The following CCAR1 variants were observed in gnomAD, a reference collection of about 807,000 sequenced individuals.
CCAR1 encodes cell division cycle and apoptosis regulator protein 1.
A neutral mutation model predicts 163.8 loss-of-function variants in CCAR1; 78 were observed. That is an observed-to-expected ratio of 0.48 (90% CI 0.40 to 0.57). The LOEUF is 0.57. Among genes scored for constraint, CCAR1 ranks in the 20% least tolerant of loss-of-function variants. CCAR1 has a pLI of 0.00. For synonymous variants in CCAR1, 443 were observed against 460.7 expected (o/e 0.96, Z 0.49); for missense variants, 1,019 against 1,365.2 (o/e 0.75, Z 4.00).
At chr10:68,742,123 T>G (rs1187097806) in intron 5 of CCAR1, among the ~76,000 whole-genome samples, 1 of 152,208 alleles carries the variant, frequency 6.6e-6, no homozygotes, top group Non-Finnish European at 1.5e-5. Context: ...TTTACTATAC[T>G]TAGGACTTTC....
intron 10 of CCAR1, among the ~76,000 whole-genome samples, chr10:68,751,980 A>G (rs1202252783): frequency 6.9e-6 from 1 of 144,980 alleles, no homozygotes; most frequent in East Asian, 2.1e-4. Context: ...GCAGTGGCTC[A>G]ATCTCGGCCC....
At chr10:68,769,972 T>G (rs935780900) in intron 17 of CCAR1, among the ~76,000 whole-genome samples, 2 of 151,830 alleles carry the variant, frequency 1.3e-5, no homozygotes, top group African/African-American at 4.8e-5. Context: ...ATTATATAGT[T>G]TTAGGTTTAT....
intron 19 of CCAR1, among the ~76,000 whole-genome samples, chr10:68,774,166 A>T (rs1294955107): frequency 6.6e-6 from 1 of 151,874 alleles, no homozygotes; most frequent in East Asian, 1.9e-4. Context: ...TGCTGGGATT[A>T]CAGGCCTGAG....
rs1347507479 is a variant in CCAR1 at position 68,772,995 on chromosome 10, A to G, written c.2546A>G (p.Asp849Gly). The change falls in exon 19 of 25, where the codon GAT (aspartate) becomes GGT (glycine). Residue 849 changes from aspartate to glycine, a missense_variant. Transcript: ENST00000265872. ...AGGCATTTTAAATTATAGAAAGAAG[A>G]TAAAAGAAAAGATGATTCTAAAGAT... ...KEDRDERKKE[D>G]KRKDDSKDDD... 1.4e-6 allele frequency: 2 copies of G among 1,382,102 alleles called. No homozygotes were observed. Among genetic ancestry groups the G allele is most frequent in the African/African-American group, 1.5e-5 (1 of 68,306 alleles). The allele number at this position is 1,382,102 out of a possible 1,614,324, so 85.6% of individuals were successfully genotyped here.
chr10:68,742,452 C>T lies in CCAR1; in HGVS notation c.401C>T (p.Thr134Ile). The T allele has an allele frequency of 6.2e-7, 1 of 1,614,216 alleles. No homozygotes were observed. Among genetic ancestry groups the T allele is most frequent in the Non-Finnish European group, 8.5e-7 (1 of 1,180,036 alleles). Reference protein sequence around the residue: ...PTAQITVSYPTPRSSQQQTQP... With the variant: ...PTAQITVSYPIPRSSQQQTQP... The stretch of plus-strand genomic sequence containing the variant: ...GCACAAATAACTGTATCATATCCAA[C>T]ACCAAGGTCCAGTCAACAGCAAACC... The change falls in exon 6 of 25, where the codon ACA becomes ATA. Residue 134 changes from threonine to isoleucine, a missense_variant. Physicochemically the swap from Thr to Ile is moderately conservative, Grantham distance 89. Transcript: ENST00000265872.
chr10:68,740,015 T>G (rs1215567538), intron 4 of CCAR1, among the ~76,000 whole-genome samples: 3 of 152,366 alleles, frequency 2.0e-5, no homozygotes, highest in African/African-American at 7.2e-5. Context: ...TATGTGGTCC[T>G]TCATGGTCTC....
At chr10:68,733,420 A>G (rs2056067275) in intron 2 of CCAR1, among the ~76,000 whole-genome samples, 1 of 152,150 alleles carries the variant, frequency 6.6e-6, no homozygotes, top group Non-Finnish European at 1.5e-5. Context: ...CAAAAAAAGT[A>G]AAAAGAGAAA....
rs770342123 is a variant in CCAR1 at position 68,786,695 on chromosome 10, A to G, written c.2880+3A>G. 1 of 1,585,556 alleles carries G rather than the reference A, an allele frequency of 6.3e-7. No individual in the cohort carries two copies. Among genetic ancestry groups the G allele is most frequent in the South Asian group, 1.2e-5 (1 of 85,392 alleles). ...GACTACATCTTTCTCGGGCTCAGGT[A>G]ATCTATCTTGTGAATATTTAAAAGG... On this transcript the variant is annotated splice_donor_region_variant and intron_variant, in intron 21 of 24. Transcript: ENST00000265872.
intron 17 of CCAR1, among the ~76,000 whole-genome samples, chr10:68,770,231 C>A (rs1187035752): frequency 6.6e-6 from 1 of 152,008 alleles, no homozygotes; most frequent in Admixed American, 6.6e-5. Context: ...TTTGGTTGTT[C>A]ATTTTCTTAA....
At chr10:68,737,349 G>A (rs933153478) in intron 3 of CCAR1, among the ~76,000 whole-genome samples, 3 of 151,896 alleles carry the variant, frequency 2.0e-5, no homozygotes, top group South Asian at 2.1e-4. Context: ...CAGAAAACAC[G>A]AGAATTAGCC....
chr10:68,739,829 T>C (rs973602679), intron 4 of CCAR1, among the ~76,000 whole-genome samples: 1 of 152,234 alleles, frequency 6.6e-6, no homozygotes. Flanking sequence ...TAATCTCTAA[T>C]ACATGGTGAC....
At position 68,788,303 on chromosome 10, in the gene CCAR1, G is replaced by A; in HGVS notation, c.3162G>A (p.Lys1054=). 6.4e-7 allele frequency: 1 copy of A among 1,570,334 alleles called. No homozygotes were observed. Among genetic ancestry groups the A allele is most frequent in the Non-Finnish European group, 8.6e-7 (1 of 1,166,910 alleles). The change falls in exon 23 of 25, where the codon AAG becomes AAA. Residue 1054 remains lysine (K), a synonymous_variant. Transcript: ENST00000265872. Reference sequence around the variant, plus strand: ...AAGTAAGAGCTGAGGTAGAACAGAAGCTGCAGTTACTAGAAGAAAAAACAG... The same window carrying A: ...AAGTAAGAGCTGAGGTAGAACAGAAACTGCAGTTACTAGAAGAAAAAACAG... ...SEKVRAEVEQ[K]LQLLEEKTDE... is the part of the protein sequence containing the mutation.
At chr10:68,789,073 C>A (rs2056825760) in intron 23 of CCAR1, among the ~76,000 whole-genome samples, 1 of 151,616 alleles carries the variant, frequency 6.6e-6, no homozygotes, top group South Asian at 2.1e-4. Flanking sequence ...CCACGCCTGG[C>A]TAATTTTTTG....
At position 68,775,687 on chromosome 10, in the gene CCAR1, C is replaced by CTTT. The variant is rs71028782; in HGVS notation, c.2650+2613_2650+2615dup. Among the ~76,000 whole-genome samples the CTTT allele has an allele frequency of 4.5e-3, 232 of 51,744 alleles. 31 individuals are homozygous for CTTT. The highest frequency in any genetic ancestry group is 0.019 in the African/African-American group (224 of 11,776). 33.9% of individuals were successfully genotyped at this position (51,744 alleles called of 152,430 possible). On this transcript the variant is annotated intron_variant, in intron 19 of 24. Coordinates refer to ENST00000265872, the MANE Select transcript of CCAR1 (RefSeq NM_018237.4). The stretch of plus-strand genomic sequence containing the variant: ...ACCACGCCCAGCTAATTTTTCTTTT[C>CTTT]TTTTTTTTTTTTTTTTTTTTTTTTT...
At chr10:68,787,845 T>G in intron 21 of CCAR1, 82 bp from the exon 22 acceptor site, 1 of 1,376,610 alleles carries the variant, frequency 7.3e-7, no homozygotes, top group Non-Finnish European at 1.0e-6. Flanking sequence ...CAAAAGAAAG[T>G]GAAAATTATA....
intron 10 of CCAR1, among the ~76,000 whole-genome samples, chr10:68,751,850 G>A (rs1163401306): frequency 6.6e-6 from 1 of 150,912 alleles, no homozygotes; most frequent in East Asian, 2.0e-4. Flanking sequence ...GGAGACAGAG[G>A]GAGACTGTCT....
chr10:68,739,213 G>A (rs765603630), intron 4 of CCAR1, among the ~76,000 whole-genome samples: 6 of 152,112 alleles, frequency 3.9e-5, no homozygotes, highest in Non-Finnish European at 5.9e-5. Flanking sequence ...GCAATGGTGC[G>A]ATCTTGGCTC....
chr10:68,724,145 C>G (rs1313299367), intron 2 of CCAR1, among the ~76,000 whole-genome samples: 2 of 123,158 alleles, frequency 1.6e-5, no homozygotes, highest in African/African-American at 6.0e-5. Context: ...GCAACAAGAG[C>G]AAAACTCTGT....
At chr10:68,736,103 T>C (rs2056106388) in intron 2 of CCAR1, among the ~76,000 whole-genome samples, 1 of 152,108 alleles carries the variant, frequency 6.6e-6, no homozygotes, top group Admixed American at 6.6e-5. Context: ...TCCTCCCGCC[T>C]CGGTTTCCCA....
Sources: allele counts gnomAD v4.1 joint callset (sites outside exome capture counted in the v4.1 genomes callset), GRCh38; gene constraint gnomAD v4.1.1; transcripts MANE v1.5; gene names NCBI Gene and HGNC (gene_info 2026-07-23, HGNC 2026-07-21).